The following NIM1K variants were observed in gnomAD, a reference collection of about 807,000 sequenced individuals.
The protein encoded by NIM1K is serine/threonine-protein kinase NIM1.
In NIM1K, 35 loss-of-function variants were observed where a neutral mutation model predicts 37.1. The observed-to-expected ratio is 0.94, with a 90% CI of 0.72 to 1.25. NIM1K has a LOEUF of 1.25. Ranked by LOEUF, NIM1K falls within the 50% of genes most tolerant of loss-of-function variation. NIM1K has a pLI of 0.00. For synonymous variants in NIM1K, 234 were observed against 206.6 expected (o/e 1.13, Z -1.14); for missense variants, 564 against 548.0 (o/e 1.03, Z -0.29).
intron 1 of NIM1K, among the ~76,000 whole-genome samples, chr5:43,195,654 C>T (rs1225752868): frequency 1.3e-5 from 1 of 77,208 alleles, no homozygotes; most frequent in Non-Finnish European, 2.6e-5. Flanking sequence ...CAGAAAGACT[C>T]TGAATCCAAA....
At chr5:43,253,995 G>A (rs1168740702) in intron 2 of NIM1K, among the ~76,000 whole-genome samples, 1 of 152,130 alleles carries the variant, frequency 6.6e-6, no homozygotes, top group East Asian at 1.9e-4. Flanking sequence ...TAATGCAAGT[G>A]ATTAATATGA....
intron 1 of NIM1K, chr5:43,206,571 C>G (rs1752115548): frequency 3.8e-6 from 2 of 520,754 alleles, no homozygotes; most frequent in Non-Finnish European, 6.9e-6. Flanking sequence ...TTAGGAGGGT[C>G]TTGAAGGCTG....
chr5:43,262,701 T>C (rs1753051845), intron 2 of NIM1K, among the ~76,000 whole-genome samples: 1 of 152,208 alleles, frequency 6.6e-6, no homozygotes, highest in Non-Finnish European at 1.5e-5. Flanking sequence ...TCAAAGGGAA[T>C]GCTTCCAGTT....
At chr5:43,230,499 A>G (rs1475946500) in intron 1 of NIM1K, among the ~76,000 whole-genome samples, 2 of 152,198 alleles carry the variant, frequency 1.3e-5, no homozygotes, top group African/African-American at 2.4e-5. Flanking sequence ...TGGGAAATAC[A>G]GTCCTCAGTT....
intron 2 of NIM1K, among the ~76,000 whole-genome samples, chr5:43,271,018 G>T (rs1298818976): frequency 6.6e-6 from 1 of 151,744 alleles, no homozygotes; most frequent in Non-Finnish European, 1.5e-5. Flanking sequence ...TTCCCCCATA[G>T]CAGCCAGAGG....
chr5:43,269,645 G>A (rs1753225505), intron 2 of NIM1K, among the ~76,000 whole-genome samples: 1 of 151,868 alleles, frequency 6.6e-6, no homozygotes, highest in South Asian at 2.1e-4. Context: ...TTGAGACAGA[G>A]TCTTGCTCTG....
chr5:43,232,460 A>G, intron 1 of NIM1K: 2 of 1,494,290 alleles, frequency 1.3e-6, no homozygotes, highest in Non-Finnish European at 1.9e-6. Context: ...GGAAGCAGTG[A>G]TGGAGGACAC....
rs982864780 is a variant in NIM1K at position 43,196,652 on chromosome 5, T to A, written c.-695+4241T>A. On this transcript the variant is annotated intron_variant, in intron 1 of 3. Transcript: ENST00000326035. Reference sequence around the variant, plus strand: ...TCTGTCTCAAAAATAAATAAATAAATAAATAAAAAATAAAAGCTTATAACT... The same window carrying A: ...TCTGTCTCAAAAATAAATAAATAAAAAAATAAAAAATAAAAGCTTATAACT... Among the ~76,000 whole-genome samples the A allele has an allele frequency of 2.6e-5, 4 of 151,844 alleles. No homozygotes were observed. The South Asian group carries it at 6.2e-4, about 24-fold the overall frequency.
At position 43,198,096 on chromosome 5, in the gene NIM1K, G is replaced by A. The variant is rs912832793; in HGVS notation, c.-695+5685G>A. Among the ~76,000 whole-genome samples the A allele has an allele frequency of 2.6e-5, 4 of 151,250 alleles. No homozygotes were observed. The East Asian group carries it at 5.9e-4, about 22-fold the overall frequency. ...CTTTTCTTTTCTTTTTTCCGATGGAGGAGTCTTGCTCTGCACCCGCACCTG... is the reference window on the plus strand; with the variant it reads ...CTTTTCTTTTCTTTTTTCCGATGGAAGAGTCTTGCTCTGCACCCGCACCTG... On this transcript the variant is annotated intron_variant, in intron 1 of 3. Transcript: ENST00000326035.
intron 1 of NIM1K, among the ~76,000 whole-genome samples, chr5:43,224,549 G>T (rs897312269): frequency 1.3e-5 from 2 of 152,100 alleles, no homozygotes; most frequent in South Asian, 4.2e-4. Context: ...GTAACTGAGG[G>T]ATTGGTTTTT....
chr5:43,198,196 TTTCTTTCTTTC>T (rs1751954646), intron 1 of NIM1K, among the ~76,000 whole-genome samples: 5 of 43,972 alleles, frequency 1.1e-4, no homozygotes, highest in African/African-American at 4.1e-4. Flanking sequence ...TCTTTCTTTC[TTTCTTTCTTTC>T]TCTTTCTTTC....
intron 1 of NIM1K, chr5:43,225,533 T>C (rs1432090554): frequency 6.6e-6 from 1 of 152,342 alleles, no homozygotes; most frequent in Non-Finnish European, 1.5e-5. Context: ...AGGTGGGACC[T>C]TCTTCTGAAT....
At chr5:43,219,624 GTTAC>G (rs1752353275) in intron 1 of NIM1K, among the ~76,000 whole-genome samples, 1 of 152,116 alleles carries the variant, frequency 6.6e-6, no homozygotes, top group African/African-American at 2.4e-5. Flanking sequence ...ATTGAGTTGT[GTTAC>G]TTACAGATTC....
intron 2 of NIM1K, among the ~76,000 whole-genome samples, chr5:43,249,503 T>G (rs1752836636): frequency 6.6e-6 from 1 of 152,072 alleles, no homozygotes; most frequent in South Asian, 2.1e-4. Context: ...ACCATCAGAG[T>G]TGGTAACTGA....
At chr5:43,216,251 T>C (rs774381313) in intron 1 of NIM1K, among the ~76,000 whole-genome samples, 1 of 152,116 alleles carries the variant, frequency 6.6e-6, no homozygotes, top group Non-Finnish European at 1.5e-5. Context: ...TGGAAACTGG[T>C]GAGTCTGACT....
chr5:43,233,005 C>G, intron 1 of NIM1K: 1 of 1,190,884 alleles, frequency 8.4e-7, no homozygotes, highest in Non-Finnish European at 1.3e-6. Flanking sequence ...CTTGCCGGAG[C>G]CCGTCTCACT....
intron 1 of NIM1K, among the ~76,000 whole-genome samples, chr5:43,218,572 A>C (rs1019809435): frequency 6.6e-6 from 1 of 152,110 alleles, no homozygotes; most frequent in African/African-American, 2.4e-5. Context: ...GCTCTTTAAA[A>C]CAACCAGCAA....
intron 2 of NIM1K, among the ~76,000 whole-genome samples, chr5:43,268,482 G>A (rs981590370): frequency 3.3e-5 from 5 of 152,040 alleles, no homozygotes; most frequent in Non-Finnish European, 7.4e-5. Flanking sequence ...CTTGTGCTGA[G>A]TCACTTCTGT....
intron 1 of NIM1K, chr5:43,225,483 G>A (rs1250687994): frequency 2.0e-5 from 3 of 152,112 alleles, no homozygotes; most frequent in Non-Finnish European, 4.4e-5. Context: ...TGTTTCACAT[G>A]CTTAAATTAT....
Sources: allele counts gnomAD v4.1 joint callset (sites outside exome capture counted in the v4.1 genomes callset), GRCh38; gene constraint gnomAD v4.1.1; transcripts MANE v1.5; gene names NCBI Gene and HGNC (gene_info 2026-07-23, HGNC 2026-07-21).